Variants in USP4 observed in about 807,000 individuals in gnomAD.
USP4 encodes ubiquitin specific peptidase 4, also known as ubiquitin carboxyl-terminal hydrolase 4.
In USP4, 72 loss-of-function variants were observed where a neutral mutation model predicts 118.2. The observed-to-expected ratio is 0.61, with a 90% confidence interval of 0.50 to 0.74. The LOEUF is 0.74. Among genes scored for constraint, USP4 ranks in the 30% least tolerant of loss-of-function variants. The probability of loss-of-function intolerance (pLI) is 0.00; values close to 1 mark genes in which losing one functional copy is unlikely to be tolerated. For missense variants in USP4, 1,037 were observed against 1,185.7 expected (o/e 0.87, Z 1.84); for synonymous variants, 415 against 440.4 (o/e 0.94, Z 0.72).
chr3:49,325,117 T>C (rs1253252703), intron 4 of USP4, 78 bp from the exon 5 acceptor site: 5 of 1,541,072 alleles, frequency 3.2e-6, no homozygotes, highest in Admixed American at 1.9e-5. Context: ...CTAATGCTCA[T>C]CCTCTTTCTT....
intron 13 of USP4, among the ~76,000 whole-genome samples, chr3:49,295,995 A>C (rs2047203951): frequency 6.6e-6 from 1 of 152,178 alleles, no homozygotes; most frequent in South Asian, 2.1e-4. Context: ...AGGTGTGGTA[A>C]GAATTAAATA....
chr3:49,283,265 T>C (rs986355187), intron 19 of USP4, among the ~76,000 whole-genome samples: 20 of 152,012 alleles, frequency 1.3e-4, no homozygotes, highest in East Asian at 9.7e-4. Context: ...CTGCCCACCT[T>C]GGCCTCCCAA....
intron 15 of USP4, among the ~76,000 whole-genome samples, chr3:49,290,457 G>C (rs1244858653): frequency 1.3e-5 from 2 of 152,174 alleles, no homozygotes; most frequent in East Asian, 3.9e-4. Context: ...TTCTAGGACT[G>C]CATGTCTTGG....
At position 49,277,144 on chromosome 3, in the gene USP4, A is replaced by AC. The variant is rs535705777; in HGVS notation, c.*1148dup. Reference sequence around the variant, plus strand: ...CTCCCAGGCCGCTGGCCCTACCGGCACCCCCCCTTTGGCGAGTCGGCAGCC... The same window carrying AC: ...CTCCCAGGCCGCTGGCCCTACCGGCACCCCCCCCTTTGGCGAGTCGGCAGCC... On this transcript the variant is annotated 3_prime_UTR_variant, in exon 22 of 22. Transcript: ENST00000265560. 1.1e-4 allele frequency: 155 copies of AC among 1,444,386 alleles called. 1 individual carries two copies. Among genetic ancestry groups the AC allele is most frequent in the African/African-American group, 9.6e-4 (68 of 71,016 alleles). The allele number at this position is 1,444,386 out of a possible 1,614,324, so 89.5% of individuals were successfully genotyped here.
chr3:49,279,012 A>C, intron 20 of USP4, 110 bp from the exon 21 acceptor site: 1 of 623,212 alleles, frequency 1.6e-6, no homozygotes, highest in South Asian at 3.0e-5. Context: ...AAACCCCTGA[A>C]ATTAAAAAAG....
At chr3:49,296,906 T>C (rs1050420051) in intron 13 of USP4, among the ~76,000 whole-genome samples, 3 of 152,220 alleles carry the variant, frequency 2.0e-5, no homozygotes, top group South Asian at 2.1e-4. Context: ...TATGTGAAAG[T>C]GGACTTTCCC....
chr3:49,328,946 G>T (rs745470023), intron 2 of USP4, among the ~76,000 whole-genome samples: 1 of 152,028 alleles, frequency 6.6e-6, no homozygotes, highest in African/African-American at 2.4e-5. Context: ...TTCGGAGGCC[G>T]AGGTGGGCAG....
At chr3:49,320,147 C>T (rs915118428) in intron 6 of USP4, among the ~76,000 whole-genome samples, 6 of 152,294 alleles carry the variant, frequency 3.9e-5, no homozygotes, top group African/African-American at 1.2e-4. Context: ...TCTCAAACTC[C>T]TATCCTCAAG....
At chr3:49,296,893 TTA>T (rs1195564680) in intron 13 of USP4, among the ~76,000 whole-genome samples, 1 of 152,228 alleles carries the variant, frequency 6.6e-6, no homozygotes, top group East Asian at 1.9e-4. Context: ...GGGCTTGGGG[TTA>T]TATGTGAAAG....
intron 13 of USP4, among the ~76,000 whole-genome samples, chr3:49,295,015 C>T (rs969860097): frequency 5.9e-5 from 9 of 152,198 alleles, no homozygotes; most frequent in African/African-American, 1.4e-4. Context: ...GTTGGCTGGG[C>T]GCGGTGGCTC....
At chr3:49,325,172 T>A in intron 4 of USP4, 133 bp from the exon 5 acceptor site, 1 of 1,141,362 alleles carries the variant, frequency 8.8e-7, no homozygotes, top group Non-Finnish European at 1.2e-6. Flanking sequence ...TGATACCTCT[T>A]AAAATCAATC....
At chr3:49,303,813 C>T (rs1466595828) in intron 9 of USP4, among the ~76,000 whole-genome samples, 2 of 151,828 alleles carry the variant, frequency 1.3e-5, no homozygotes, top group African/African-American at 4.8e-5. Context: ...AGTGCAGTGG[C>T]GCAATCTCAG....
chr3:49,283,315 A>AT (rs2047059621), intron 19 of USP4, among the ~76,000 whole-genome samples: 1 of 150,996 alleles, frequency 6.6e-6, no homozygotes, highest in South Asian at 2.1e-4. Flanking sequence ...TGCCCAGCCT[A>AT]TTTTTTTAAA....
chr3:49,323,681 A>C (rs1323491398), intron 6 of USP4, among the ~76,000 whole-genome samples: 1 of 152,174 alleles, frequency 6.6e-6, no homozygotes, highest in Admixed American at 6.6e-5. Flanking sequence ...CATGGTTCTC[A>C]AATGACCTAG....
At chr3:49,294,210 C>T (rs1427318179) in intron 14 of USP4, among the ~76,000 whole-genome samples, 197 bp downstream of exon 14, 1 of 152,168 alleles carries the variant, frequency 6.6e-6, no homozygotes, top group South Asian at 2.1e-4. Context: ...GTCTCAAACT[C>T]CTGACCTCAG....
intron 20 of USP4, among the ~76,000 whole-genome samples, chr3:49,279,608 T>C (rs1299621896): frequency 1.3e-5 from 2 of 152,154 alleles, no homozygotes; most frequent in Non-Finnish European, 2.9e-5. Flanking sequence ...CCCAGCCCAG[T>C]TCCTGCTCCA....
At chr3:49,329,618 C>A (rs2107802231) in intron 2 of USP4, among the ~76,000 whole-genome samples, 1 of 152,248 alleles carries the variant, frequency 6.6e-6, no homozygotes, top group South Asian at 2.1e-4. Flanking sequence ...CCACCCTAGT[C>A]TCCAATTCCT....
intron 3 of USP4, 100 bp from the exon 4 acceptor site, chr3:49,325,945 T>A: frequency 2.1e-6 from 3 of 1,439,162 alleles, no homozygotes; most frequent in Non-Finnish European, 2.8e-6. Flanking sequence ...AAACTCATGA[T>A]AATCCATTTC....
At chr3:49,317,102 T>A (rs746009208) in intron 6 of USP4, 35 of 1,333,016 alleles carry the variant, frequency 2.6e-5, no homozygotes, top group Middle Eastern at 1.8e-4. Flanking sequence ...CTGCCACCAC[T>A]ACTTTTCTGG....
Sources: gnomAD v4.1 joint callset for allele counts (sites outside exome capture counted in the v4.1 genomes callset) on GRCh38, gnomAD v4.1.1 for gene constraint, MANE v1.5 for transcripts, NCBI Gene and HGNC (gene_info 2026-07-23, HGNC 2026-07-21) for gene names.